SYT16: variants seen among roughly 807,000 people sequenced by gnomAD.
The protein encoded by SYT16 is synaptotagmin-16.
A neutral mutation model predicts 61.4 loss-of-function variants in SYT16; 42 were observed. That is an observed-to-expected ratio of 0.68 (90% CI 0.53 to 0.89). The LOEUF is 0.89. SYT16 is among the 40% of genes least tolerant of loss of function. The pLI is 0.00. For synonymous variants in SYT16, 314 were observed against 302.3 expected, an observed-to-expected ratio of 1.04 and a Z score of -0.40; for missense variants, 804 against 807.3, an observed-to-expected ratio of 1.00 and a Z score of 0.05.
intron 7 of SYT16, among the ~76,000 whole-genome samples, chr14:62,099,879 CT>C: frequency 1.2e-5 from 1 of 84,894 alleles, no homozygotes; most frequent in African/African-American, 4.3e-5. Flanking sequence ...CCTTGTGTGT[CT>C]GTCTGTCTGT....
chr14:61,911,277 A>C (rs1441564221), intron 1 of SYT16, among the ~76,000 whole-genome samples: 1 of 152,218 alleles, frequency 6.6e-6, no homozygotes, highest in Non-Finnish European at 1.5e-5. Context: ...ATCTGCTATC[A>C]GAACCAGGCA....
intron 3 of SYT16, among the ~76,000 whole-genome samples, chr14:62,041,448 T>C (rs2140849045): frequency 6.6e-6 from 1 of 152,348 alleles, no homozygotes; most frequent in East Asian, 1.9e-4. Flanking sequence ...AGGCTTAGAC[T>C]GTGTTGAGCC....
At chr14:62,032,695 C>T (rs546485705) in intron 3 of SYT16, among the ~76,000 whole-genome samples, 7 of 151,074 alleles carry the variant, frequency 4.6e-5, no homozygotes, top group South Asian at 4.2e-4. Flanking sequence ...ATTGACAGAT[C>T]GTGGAGCTTC....
intron 1 of SYT16, among the ~76,000 whole-genome samples, chr14:61,959,880 A>G (rs558218288): frequency 6.6e-6 from 1 of 152,122 alleles, no homozygotes; most frequent in Non-Finnish European, 1.5e-5. Flanking sequence ...CCCAGGCTGG[A>G]GTGCAGTGGT....
Position 61,837,826 on chromosome 14 carries a change from C to G in SYT16, c.-325+25016C>G, listed in dbSNP as rs79997366. 9.9e-3 allele frequency among the ~76,000 whole-genome samples: 1,514 copies of G among 152,298 alleles called. 26 individuals carry two copies. The highest frequency in any genetic ancestry group is 0.034 in the African/African-American group (1,419 of 41,554). ...TTGGGAACTGTACTTCCTCAGATGT[C>G]GGCTTCCTTCCTATGTCTTTCTCAG... On this transcript the variant is annotated intron_variant, in intron 1 of 7. Transcript: ENST00000683842.
In SYT16 at chr14:62,109,382, T is replaced by C. The variant is rs1349941805; in HGVS notation, c.*8675T>C. ...ATTTTAAGTGCTGAATAATATTTCA[T>C]TGTCTGGTTGTATCACCATTTATGA... On this transcript the variant is annotated 3_prime_UTR_variant, in exon 8 of 8. Coordinates refer to ENST00000683842, the MANE Select transcript of SYT16 (RefSeq NM_001367656.1). 2 of 151,974 alleles carry C rather than the reference T, an allele frequency of 1.3e-5. No homozygotes were observed. Among genetic ancestry groups the C allele is most frequent in the Non-Finnish European group, 2.9e-5 (2 of 67,988 alleles). The allele number at this position is 151,974 out of a possible 1,614,324, so 9.4% of individuals were successfully genotyped here.
At chr14:61,983,716 G>T (rs908882660) in intron 2 of SYT16, among the ~76,000 whole-genome samples, 2 of 152,026 alleles carry the variant, frequency 1.3e-5, no homozygotes, top group Non-Finnish European at 2.9e-5. Context: ...TCTAGAGATG[G>T]GGGGTCTCAC....
Position 61,996,131 on chromosome 14 carries a change from TCGC to T in SYT16, c.113_115del (p.Ser38del). 1 of 1,613,358 alleles carries T rather than the reference TCGC, an allele frequency of 6.2e-7. No homozygotes were observed. The highest frequency in any genetic ancestry group is 1.1e-5 in the South Asian group (1 of 91,054). Reference sequence around the variant, plus strand: ...GCAAGCAGGAGATATGTTATCTGCTTCGCTGGTTAACATAAGCAAACAAGACTC... The same window carrying T: ...GCAAGCAGGAGATATGTTATCTGCTTTGGTTAACATAAGCAAACAAGACTC... On this transcript the variant is annotated inframe_deletion, in exon 3 of 8. Coordinates refer to ENST00000683842, the MANE Select transcript of SYT16 (RefSeq NM_001367656.1).
chr14:62,051,060 C>A (rs973849772), intron 3 of SYT16, among the ~76,000 whole-genome samples: 4 of 152,218 alleles, frequency 2.6e-5, no homozygotes, highest in African/African-American at 9.6e-5. Flanking sequence ...CTATGCCTTG[C>A]CCCCAGAGGT....
chr14:62,071,301 C>G (rs1331548644), intron 4 of SYT16, among the ~76,000 whole-genome samples: 2 of 152,214 alleles, frequency 1.3e-5, no homozygotes, highest in Non-Finnish European at 1.5e-5. Flanking sequence ...AATCCTAAAG[C>G]TAATGGCCCC....
chr14:61,899,697 G>A (rs1216534287), intron 1 of SYT16, among the ~76,000 whole-genome samples: 1 of 152,190 alleles, frequency 6.6e-6, no homozygotes, highest in African/African-American at 2.4e-5. Context: ...CTTAGGCAGC[G>A]CCGGAAGGCC....
intron 1 of SYT16, among the ~76,000 whole-genome samples, chr14:61,855,168 G>C (rs1269836702): frequency 1.3e-5 from 2 of 152,122 alleles, no homozygotes; most frequent in African/African-American, 4.8e-5. Context: ...GTGACTTAGG[G>C]CATATTTACA....
At position 61,930,777 on chromosome 14, in the gene SYT16, G is replaced by T. The variant is rs529567460; in HGVS notation, c.-324-39355G>T. Among the ~76,000 whole-genome samples, 11 of 152,180 alleles carry T rather than the reference G, an allele frequency of 7.2e-5. No individual in the cohort carries two copies. The East Asian group carries it at 2.1e-3, about 30-fold the overall frequency. On this transcript the variant is annotated intron_variant, in intron 1 of 7. Coordinates refer to ENST00000683842, the MANE Select transcript of SYT16 (RefSeq NM_001367656.1). ...AAGAGGGAAGCAGACGAAGAGGTCA[G>T]AGTAATGTGATATAAGAAGAACTCC...
chr14:61,866,931 A>C (rs768022571), intron 1 of SYT16, among the ~76,000 whole-genome samples: 3 of 151,780 alleles, frequency 2.0e-5, no homozygotes, highest in Non-Finnish European at 4.4e-5. Flanking sequence ...ATTTTTGCTT[A>C]TGTTGTGAGC....
chr14:61,847,748 A>AT (rs2046486601), intron 1 of SYT16, among the ~76,000 whole-genome samples: 1 of 151,614 alleles, frequency 6.6e-6, no homozygotes, highest in South Asian at 2.1e-4. Flanking sequence ...GTTTTCTATT[A>AT]TTTTTTCTTT....
intron 1 of SYT16, among the ~76,000 whole-genome samples, chr14:61,922,048 CAAAAG>C (rs542829469): frequency 5.5e-4 from 83 of 152,132 alleles, no homozygotes; most frequent in Non-Finnish European, 1.1e-3. Flanking sequence ...GCTACAGTCT[CAAAAG>C]AAAGAGCACA....
intron 1 of SYT16, among the ~76,000 whole-genome samples, chr14:61,905,900 G>A (rs1456686654): frequency 6.6e-6 from 1 of 152,050 alleles, no homozygotes; most frequent in Non-Finnish European, 1.5e-5. Context: ...TGGGACTATA[G>A]GCATGTGCCA....
chr14:62,027,643 A>G (rs2054152422), intron 3 of SYT16, among the ~76,000 whole-genome samples: 1 of 152,302 alleles, frequency 6.6e-6, no homozygotes, highest in Non-Finnish European at 1.5e-5. Flanking sequence ...GAGGTGACAT[A>G]TCACTGATCA....
chr14:62,051,081 G>A (rs929552854), intron 3 of SYT16, among the ~76,000 whole-genome samples: 6 of 152,246 alleles, frequency 3.9e-5, no homozygotes, highest in Non-Finnish European at 5.9e-5. Flanking sequence ...GGAGCCTACA[G>A]AGGCAGGCAG....
Sources: gnomAD v4.1 joint callset for allele counts (sites outside exome capture counted in the v4.1 genomes callset) on GRCh38, gnomAD v4.1.1 for gene constraint, MANE v1.5 for transcripts, NCBI Gene and HGNC (gene_info 2026-07-23, HGNC 2026-07-21) for gene names.